The following ACCSL variants were observed in gnomAD, a reference collection of about 807,000 sequenced individuals.
ACCSL encodes 1-aminocyclopropane-1-carboxylate synthase homolog (inactive) like, also known as probable inactive 1-aminocyclopropane-1-carboxylate synthase-like protein 2.
ACCSL carries 55 observed loss-of-function variants against 61.7 expected under a neutral mutation model. The ratio of observed to expected loss-of-function variants is 0.89; its 90% confidence interval spans 0.72 to 1.12. The LOEUF is 1.12. ACCSL is among the 50% of genes most tolerant of loss of function. The pLI is 0.00. For missense variants in ACCSL, 632 were observed against 698.0 expected, an observed-to-expected ratio of 0.91 and a Z score of 1.07; for synonymous variants, 258 against 264.3, an observed-to-expected ratio of 0.98 and a Z score of 0.23.
At chr11:43,980,246 C>T in the ACCSL span, among the ~76,000 whole-genome samples, 1 of 152,050 alleles carries the variant, frequency 6.6e-6, no homozygotes, top group Admixed American at 6.6e-5. Flanking sequence ...TTTCTTGGCA[C>T]AATATAGTGA....
At chr11:44,035,936 TAAAAAA>T in the ACCSL span, among the ~76,000 whole-genome samples, 3 of 79,090 alleles carry the variant, frequency 3.8e-5, no homozygotes, top group South Asian at 1.3e-3. Context: ...AGACTCTGTG[TAAAAAA>T]AAAAAAAAAA....
At chr11:43,959,540 C>T in the ACCSL span, among the ~76,000 whole-genome samples, 2 of 152,220 alleles carry the variant, frequency 1.3e-5, no homozygotes, top group Non-Finnish European at 2.9e-5. Flanking sequence ...TCCCTGTCAG[C>T]AGTGGGGGAT....
Position 44,058,478 on chromosome 11 carries a change from G to A in ACCSL, c.1470+19G>A. 1 of 1,614,206 alleles carries A rather than the reference G, an allele frequency of 6.2e-7. No homozygotes were observed. Among genetic ancestry groups the A allele is most frequent in the Non-Finnish European group, 8.5e-7 (1 of 1,180,028 alleles). On this transcript the variant is annotated intron_variant, in intron 12 of 13. Transcript: ENST00000378832. ...GAAAAAGGTGTGTTCTGGGAATGAG[G>A]ACAGGTGTTCTTGGGCAGACCTGCC...
the ACCSL span, among the ~76,000 whole-genome samples, chr11:43,939,865 C>T: frequency 6.6e-6 from 1 of 152,208 alleles, no homozygotes; most frequent in South Asian, 2.1e-4. Flanking sequence ...CCTTGGCCTC[C>T]CAAAGTTCTG....
At chr11:44,027,399 T>C in the ACCSL span, among the ~76,000 whole-genome samples, 1 of 152,212 alleles carries the variant, frequency 6.6e-6, no homozygotes. Flanking sequence ...CAGTTCTGCT[T>C]TTGCTTTTTA....
At chr11:43,947,655 G>C in the ACCSL span, among the ~76,000 whole-genome samples, 1 of 151,768 alleles carries the variant, frequency 6.6e-6, no homozygotes, top group African/African-American at 2.4e-5. Flanking sequence ...CAGGGGAATA[G>C]GATCAGGAGC....
chr11:44,039,993 T>G, the ACCSL span, among the ~76,000 whole-genome samples: 1 of 152,252 alleles, frequency 6.6e-6, no homozygotes, highest in African/African-American at 2.4e-5. Flanking sequence ...TACTGCCATC[T>G]TTAACAAGGA....
the ACCSL span, among the ~76,000 whole-genome samples, chr11:43,934,740 AGAG>A: frequency 6.6e-6 from 1 of 152,156 alleles, no homozygotes; most frequent in Non-Finnish European, 1.5e-5. Flanking sequence ...AGGGAAAAGC[AGAG>A]GAGGACCTGT....
chr11:43,949,828 A>AAACAACAACAAC, the ACCSL span, among the ~76,000 whole-genome samples: 2 of 150,556 alleles, frequency 1.3e-5, no homozygotes, highest in Admixed American at 6.6e-5. Flanking sequence ...AAAAACAAAC[A>AAACAACAACAAC]AACAACAACA....
At chr11:43,940,481 G>A in the ACCSL span, among the ~76,000 whole-genome samples, 5 of 151,400 alleles carry the variant, frequency 3.3e-5, no homozygotes, top group East Asian at 1.9e-4. Flanking sequence ...TCAGCCTCTC[G>A]AGTAGCTGGG....
the ACCSL span, among the ~76,000 whole-genome samples, chr11:44,012,177 G>T: frequency 6.6e-6 from 1 of 152,072 alleles, no homozygotes; most frequent in South Asian, 2.1e-4. Flanking sequence ...CTCAATAGAG[G>T]TTCCCATTTA....
the ACCSL span, among the ~76,000 whole-genome samples, chr11:43,932,911 A>C: frequency 1.3e-5 from 2 of 152,314 alleles, no homozygotes; most frequent in Admixed American, 1.3e-4. Flanking sequence ...ATAGCTGCAG[A>C]GCCTAGGGCT....
the ACCSL span, among the ~76,000 whole-genome samples, chr11:43,963,419 C>T: frequency 8.7e-3 from 1,322 of 152,284 alleles, 7 homozygotes; most frequent in South Asian, 0.021. Flanking sequence ...GGCCCAAGAT[C>T]GTGGGCATGC....
the ACCSL span, among the ~76,000 whole-genome samples, chr11:43,956,629 C>T: frequency 6.6e-6 from 1 of 152,164 alleles, no homozygotes; most frequent in Non-Finnish European, 1.5e-5. Flanking sequence ...CTGTGTTAGC[C>T]AGGCTGGTCT....
chr11:43,992,153 G>A, the ACCSL span, among the ~76,000 whole-genome samples: 2 of 150,220 alleles, frequency 1.3e-5, no homozygotes, highest in Admixed American at 1.3e-4. Context: ...CTGGGCCCAA[G>A]GGATCCTCCC....
the ACCSL span, among the ~76,000 whole-genome samples, chr11:44,002,655 T>C: frequency 1.3e-5 from 2 of 152,136 alleles, no homozygotes; most frequent in African/African-American, 4.8e-5. Context: ...GAGGCCCTAG[T>C]TGGCATCTGG....
At chr11:43,996,215 T>C in the ACCSL span, among the ~76,000 whole-genome samples, 4 of 152,248 alleles carry the variant, frequency 2.6e-5, no homozygotes, top group Non-Finnish European at 4.4e-5. Flanking sequence ...GATAAATTTC[T>C]GTTGTTCAAG....
intron 3 of ACCSL, 72 bp downstream of exon 3, chr11:44,050,694 G>A (rs1277163514): frequency 1.4e-6 from 2 of 1,462,688 alleles, no homozygotes; most frequent in Admixed American, 3.8e-5. Flanking sequence ...AGGATTCAAG[G>A]CACCAAATTC....
chr11:43,928,314 T>C, the ACCSL span, among the ~76,000 whole-genome samples: 3 of 152,162 alleles, frequency 2.0e-5, no homozygotes, highest in Non-Finnish European at 4.4e-5. Context: ...AAAGAAAAGA[T>C]GTCGGATTTT....
Sources: allele counts gnomAD v4.1 joint callset (sites outside exome capture counted in the v4.1 genomes callset), GRCh38; gene constraint gnomAD v4.1.1; transcripts MANE v1.5; gene names NCBI Gene and HGNC (gene_info 2026-07-23, HGNC 2026-07-21).